The following CYP39A1 variants were observed in gnomAD, a reference collection of about 807,000 sequenced individuals.
The protein encoded by CYP39A1 is cytochrome P450 family 39 subfamily A member 1.
A neutral mutation model predicts 58.1 loss-of-function variants in CYP39A1; 49 were observed. That is an observed-to-expected ratio of 0.84 (90% CI 0.67 to 1.07). The LOEUF (loss-of-function observed/expected upper bound fraction) is 1.07, where lower values mean the gene tolerates loss of function less well. CYP39A1 is among the 50% of genes least tolerant of loss of function. The pLI is 0.00. For missense variants in CYP39A1, 531 were observed against 539.4 expected (o/e 0.98, Z 0.16); for synonymous variants, 209 against 187.6 (o/e 1.11, Z -0.93).
intron 10 of CYP39A1, among the ~76,000 whole-genome samples, chr6:46,578,426 A>C (rs1413258565): frequency 6.6e-6 from 1 of 152,052 alleles, no homozygotes; most frequent in Non-Finnish European, 1.5e-5. Context: ...CCAAAACTGG[A>C]GTTGACCAAA....
chr6:46,621,250 A>G (rs531016182), intron 7 of CYP39A1, among the ~76,000 whole-genome samples: 13 of 152,268 alleles, frequency 8.5e-5, no homozygotes, highest in African/African-American at 3.1e-4. Flanking sequence ...TAAATCAGAT[A>G]TTTTCATTAT....
intron 7 of CYP39A1, among the ~76,000 whole-genome samples, chr6:46,616,162 TTTTTCTTTC>T (rs1774547914): frequency 1.9e-3 from 1 of 524 alleles, no homozygotes; most frequent in Non-Finnish European, 5.7e-3. Flanking sequence ...CTTTCTTTCT[TTTTTCTTTC>T]TTTCTTTCTT....
intron 6 of CYP39A1, among the ~76,000 whole-genome samples, chr6:46,627,234 G>A (rs1173935317): frequency 6.6e-6 from 1 of 152,084 alleles, no homozygotes; most frequent in African/African-American, 2.4e-5. Context: ...TACAATTCAA[G>A]ATGAGATGCG....
intron 10 of CYP39A1, among the ~76,000 whole-genome samples, chr6:46,574,125 A>G (rs993595692): frequency 6.6e-6 from 1 of 152,112 alleles, no homozygotes; most frequent in Admixed American, 6.6e-5. Flanking sequence ...GTTTCCTTCT[A>G]CTGCTCTGTT....
In CYP39A1 at chr6:46,550,391, C is replaced by T. The variant is rs767237937; in HGVS notation, c.1385G>A (p.Arg462Gln). ...TCATATTCTTTGTTTATATTCAATT[C>T]GGCATTGCCCTTCCGGCTGGGGGAC... ...VGVPQPEGQC[R>Q]IEYKQRI is the part of the protein sequence containing the mutation. The change falls in exon 12 of 12, where the codon CGA (arginine) becomes CAA (glutamine). Residue 462 changes from arginine to glutamine, a missense_variant. Arg to Gln is a conservative substitution (Grantham distance 43). Coordinates refer to ENST00000275016, the MANE Select transcript of CYP39A1 (RefSeq NM_016593.5). 26 of 1,612,416 alleles carry T rather than the reference C, an allele frequency of 1.6e-5. No homozygotes were observed. Among genetic ancestry groups the T allele is most frequent in the Admixed American group, 5.0e-5 (3 of 59,746 alleles).
chr6:46,642,725 A>G (rs1228567545), intron 1 of CYP39A1, among the ~76,000 whole-genome samples: 3 of 152,332 alleles, frequency 2.0e-5, no homozygotes, highest in East Asian at 3.9e-4. Context: ...TTATTCAACA[A>G]TGTCTTGCAA....
intron 7 of CYP39A1, among the ~76,000 whole-genome samples, chr6:46,616,282 T>TCCTTCCTTCCTTCCTC (rs1237614250): frequency 2.6e-5 from 3 of 116,340 alleles, no homozygotes; most frequent in African/African-American, 7.9e-5. Context: ...CTTCCTTCCT[T>TCCTTCCTTCCTTCCTC]CATCTTGCTC....
chr6:46,629,972 T>C (rs1775547451), intron 6 of CYP39A1, among the ~76,000 whole-genome samples: 1 of 151,676 alleles, frequency 6.6e-6, no homozygotes, highest in African/African-American at 2.4e-5. Context: ...AGCTCACGCA[T>C]GTAATCCCAG....
intron 10 of CYP39A1, among the ~76,000 whole-genome samples, chr6:46,573,763 G>A (rs1771713911): frequency 6.6e-6 from 1 of 152,094 alleles, no homozygotes; most frequent in Non-Finnish European, 1.5e-5. Context: ...TATAGCAGTG[G>A]GTGTCATCAG....
At chr6:46,600,605 A>T (rs909372021) in intron 7 of CYP39A1, among the ~76,000 whole-genome samples, 1 of 152,092 alleles carries the variant, frequency 6.6e-6, no homozygotes, top group African/African-American at 2.4e-5. Flanking sequence ...GAATTAATCA[A>T]TCATGCCTTT....
At chr6:46,571,065 C>T (rs1037131420) in intron 10 of CYP39A1, among the ~76,000 whole-genome samples, 1 of 152,138 alleles carries the variant, frequency 6.6e-6, no homozygotes, top group Non-Finnish European at 1.5e-5. Flanking sequence ...TTTCTAGTTT[C>T]ATAACACTGT....
At chr6:46,582,939 G>A (rs1431514629) in intron 10 of CYP39A1, 1 of 358,500 alleles carries the variant, frequency 2.8e-6, no homozygotes, top group Non-Finnish European at 3.9e-6. Flanking sequence ...AGATGCTCAA[G>A]AGATGTTTGG....
chr6:46,607,619 G>T (rs1055488147), intron 7 of CYP39A1, among the ~76,000 whole-genome samples: 4 of 152,040 alleles, frequency 2.6e-5, no homozygotes, highest in African/African-American at 9.7e-5. Flanking sequence ...TGCCAGAAAA[G>T]AAGGGGAATG....
chr6:46,572,287 TG>T (rs1374457493), intron 10 of CYP39A1, among the ~76,000 whole-genome samples: 17 of 152,154 alleles, frequency 1.1e-4, no homozygotes, highest in Admixed American at 7.9e-4. Flanking sequence ...TGCATTTTTA[TG>T]TTATTAATTT....
intron 7 of CYP39A1, among the ~76,000 whole-genome samples, chr6:46,600,064 G>A (rs1773393819): frequency 6.6e-6 from 1 of 152,094 alleles, no homozygotes; most frequent in Admixed American, 6.6e-5. Flanking sequence ...TTGAATGATA[G>A]GGGAGAGAGG....
At chr6:46,613,021 C>T (rs1356714556) in intron 7 of CYP39A1, among the ~76,000 whole-genome samples, 1 of 152,166 alleles carries the variant, frequency 6.6e-6, no homozygotes, top group Non-Finnish European at 1.5e-5. Context: ...TATGGGTAAA[C>T]AATGACAATA....
In CYP39A1 at chr6:46,624,564, A is replaced by G. The variant is rs537907829; in HGVS notation, c.931+854T>C. ...GTTTAACTCCATAAGAAGCAATCCA[A>G]AAAAAAAAACTTTAAATAAAATATT... is the stretch of plus-strand genomic sequence containing the variant. On this transcript the variant is annotated intron_variant, in intron 7 of 11. Transcript: ENST00000275016. Among the ~76,000 whole-genome samples the G allele has an allele frequency of 5.0e-4, 75 of 151,360 alleles. 1 individual carries two copies. The South Asian group carries it at 0.015, about 30-fold the overall frequency.
At chr6:46,634,524 CTTT>C (rs55887439) in intron 5 of CYP39A1, among the ~76,000 whole-genome samples, 4 of 131,278 alleles carry the variant, frequency 3.0e-5, no homozygotes, top group East Asian at 2.3e-4. Context: ...TTTCTTTTTG[CTTT>C]TTTTTTTTTT....
chr6:46,614,397 G>C (rs762791005), intron 7 of CYP39A1, among the ~76,000 whole-genome samples: 1 of 152,138 alleles, frequency 6.6e-6, no homozygotes, highest in Non-Finnish European at 1.5e-5. Context: ...TAGTCCTTCC[G>C]AGTTTCCATC....
Sources: gnomAD v4.1 joint callset for allele counts (sites outside exome capture counted in the v4.1 genomes callset) on GRCh38, gnomAD v4.1.1 for gene constraint, MANE v1.5 for transcripts, NCBI Gene and HGNC (gene_info 2026-07-23, HGNC 2026-07-21) for gene names.